The following MACROD1 variants were observed in gnomAD, a reference collection of about 807,000 sequenced individuals.
MACROD1 encodes the protein mono-ADP ribosylhydrolase 1.
Under a neutral mutation model 41.4 loss-of-function variants are expected in MACROD1, and 31 were observed. The observed-to-expected ratio is 0.75, with a 90% CI of 0.56 to 1.01. The LOEUF (loss-of-function observed/expected upper bound fraction) is 1.01, where lower values mean the gene tolerates loss of function less well. MACROD1 is among the 50% of genes least tolerant of loss of function. The probability of loss-of-function intolerance (pLI) is 0.00; values close to 1 mark genes in which losing one functional copy is unlikely to be tolerated. For synonymous variants in MACROD1, 252 were observed against 203.4 expected, an observed-to-expected ratio of 1.24 and a Z score of -2.03; for missense variants, 473 against 460.0, an observed-to-expected ratio of 1.03 and a Z score of -0.26.
At position 64,082,596 on chromosome 11, in the gene MACROD1, C is replaced by T. The variant is rs1364847065; in HGVS notation, c.518-67315G>A. Among the ~76,000 whole-genome samples, 1 of 152,050 alleles carries T rather than the reference C, an allele frequency of 6.6e-6. No homozygotes were observed. The highest frequency in any genetic ancestry group is 1.5e-5 in the Non-Finnish European group (1 of 67,972). On this transcript the variant is annotated intron_variant, in intron 3 of 10. Coordinates refer to ENST00000255681, the MANE Select transcript of MACROD1 (RefSeq NM_014067.4). This position sits in a 1 kb window ranked among gnomAD's most constrained non-coding sequence, Gnocchi z 4.5. ...AGATTCAGGTGAAGCTTAGGGGTCC[C>T]TGGGCTGAAGACGGAACCTCTGAGT...
intron 3 of MACROD1, among the ~76,000 whole-genome samples, chr11:64,097,512 G>A (rs1479293673): frequency 6.6e-6 from 1 of 152,270 alleles, no homozygotes; most frequent in African/African-American, 2.4e-5. Flanking sequence ...GGTGGGCGCT[G>A]GCAAAGGCCC....
At position 64,162,814 on chromosome 11, in the gene MACROD1, C is replaced by CA. The variant is rs1192462423; in HGVS notation, c.298+2882dup. Among the ~76,000 whole-genome samples, 264 of 112,210 alleles carry CA rather than the reference C, an allele frequency of 2.4e-3. 6 individuals are homozygous for CA. The East Asian group carries it at 0.04, about 17-fold the overall frequency. The allele number at this position is 112,210 out of a possible 152,430, so 73.6% of individuals were successfully genotyped here. On this transcript the variant is annotated intron_variant, in intron 1 of 10. Transcript: ENST00000255681. ...TGGGTGACAGAGCAAGACTCCATCT[C>CA]AAAAAAAAAAAATTTAAGAAAATTG...
intron 3 of MACROD1, among the ~76,000 whole-genome samples, chr11:64,030,057 C>T (rs992077871): frequency 1.6e-4 from 25 of 152,238 alleles, no homozygotes; most frequent in African/African-American, 5.5e-4. Context: ...ACAACCACCC[C>T]CCGGGTGACA....
intron 3 of MACROD1, among the ~76,000 whole-genome samples, chr11:64,033,702 G>T (rs1402190430): frequency 6.6e-6 from 1 of 151,962 alleles, no homozygotes; most frequent in Non-Finnish European, 1.5e-5. Context: ...TTAGCCAGGC[G>T]TAGTGGTGCA....
At chr11:64,162,371 T>C (rs560738229) in intron 1 of MACROD1, among the ~76,000 whole-genome samples, 2 of 151,940 alleles carry the variant, frequency 1.3e-5, no homozygotes, top group African/African-American at 4.8e-5. Flanking sequence ...CACATGGTGA[T>C]GCGCGCCTGT....
rs561710370 is a variant in MACROD1 at position 64,138,576 on chromosome 11, GC to G, written c.517+12662del. The stretch of plus-strand genomic sequence containing the variant: ...ACAGCCAGGCGGCAATAATAAAACA[GC>G]CGCGGGCCCTGCTGGCAGAGGAATG... On this transcript the variant is annotated intron_variant, in intron 3 of 10. Transcript: ENST00000255681. 1.9e-4 allele frequency: 192 copies of G among 985,160 alleles called. 1 individual carries two copies. In the African/African-American group the frequency reaches 3.0e-3, roughly 15 times the overall value. 61.0% of individuals were successfully genotyped at this position (985,160 alleles called of 1,614,324 possible).
At chr11:64,028,079 C>G (rs911067564) in intron 3 of MACROD1, among the ~76,000 whole-genome samples, 1 of 152,230 alleles carries the variant, frequency 6.6e-6, no homozygotes, top group Non-Finnish European at 1.5e-5. Flanking sequence ...CTGAGGCTGC[C>G]CAGGACTCTC....
chr11:64,080,683 A>G (rs1203483869), intron 3 of MACROD1, among the ~76,000 whole-genome samples: 2 of 152,120 alleles, frequency 1.3e-5, no homozygotes, highest in African/African-American at 4.8e-5. Flanking sequence ...GACCTCAACT[A>G]CTGAGGACCT....
intron 3 of MACROD1, among the ~76,000 whole-genome samples, chr11:64,093,177 A>T (rs1036634565): frequency 1.3e-5 from 2 of 152,192 alleles, no homozygotes; most frequent in African/African-American, 4.8e-5. Context: ...CAGTGAGGCG[A>T]CGTGTGAATA....
chr11:64,002,215 G>A (rs576923099), intron 4 of MACROD1, among the ~76,000 whole-genome samples: 18 of 152,304 alleles, frequency 1.2e-4, no homozygotes, highest in Non-Finnish European at 2.1e-4. Flanking sequence ...CTCCCGGGTC[G>A]AGCACCTGGC....
chr11:64,151,281 T>A lies in MACROD1; in HGVS notation c.475A>T (p.Ser159Cys). Residue 159 changes from serine (S) to cysteine (C), a missense_variant, in exon 3 of 11, where the codon AGC (serine) becomes TGC (cysteine). Ser to Cys is a moderately radical substitution (Grantham distance 112, BLOSUM62 -1). Transcript: ENST00000255681. The stretch of plus-strand genomic sequence containing the variant: ...TCCACCTCCAGCTTGGTGATGTCGC[T>A]GCGGAGCAGGGAGATTTTCTCATTG... Reference protein sequence around the residue: ...QLNEKISLLRSDITKLEVDAI... With the variant: ...QLNEKISLLRCDITKLEVDAI... 6.2e-7 allele frequency: 1 copy of A among 1,613,956 alleles called. No individual in the cohort carries two copies. Among genetic ancestry groups the A allele is most frequent in the Admixed American group, 1.7e-5 (1 of 60,030 alleles).
chr11:64,016,280 A>T (rs1191132338), intron 3 of MACROD1, among the ~76,000 whole-genome samples: 1 of 152,196 alleles, frequency 6.6e-6, no homozygotes, highest in Non-Finnish European at 1.5e-5. Flanking sequence ...TCCAGCCCCG[A>T]TCCGCAGCCT....
At chr11:64,149,050 C>A (rs1355982742) in intron 3 of MACROD1, 10 of 984,708 alleles carry the variant, frequency 1.0e-5, no homozygotes, top group African/African-American at 1.7e-5. Context: ...ACAAAAAGAT[C>A]CCAGGAGAAC....
At chr11:64,038,186 C>T (rs1943419057) in intron 3 of MACROD1, among the ~76,000 whole-genome samples, 1 of 152,184 alleles carries the variant, frequency 6.6e-6, no homozygotes, top group African/African-American at 2.4e-5. Context: ...GGGGTGCTGC[C>T]ATCCCACTGG....
chr11:64,137,200 G>T (rs766764030), intron 3 of MACROD1, among the ~76,000 whole-genome samples: 1 of 152,212 alleles, frequency 6.6e-6, no homozygotes, highest in Non-Finnish European at 1.5e-5. Flanking sequence ...GTGGGCCTGA[G>T]CAAGACAAGA....
intron 3 of MACROD1, among the ~76,000 whole-genome samples, chr11:64,034,837 C>G (rs1307714781): frequency 6.6e-6 from 1 of 152,194 alleles, no homozygotes; most frequent in Non-Finnish European, 1.5e-5. Context: ...GGACTCAGAG[C>G]AGCCACTGAC....
chr11:64,063,570 C>T (rs894879243), intron 3 of MACROD1, among the ~76,000 whole-genome samples: 4 of 152,194 alleles, frequency 2.6e-5, no homozygotes, highest in South Asian at 2.1e-4. Flanking sequence ...ACCTTCAATG[C>T]GGCCTCTTCC....
In MACROD1 at chr11:64,057,265, G is replaced by A. The variant is rs566329591; in HGVS notation, c.518-41984C>T. ...TAGGGGACGGGACAGCCCATTGGTG[G>A]TTCCTCCCTGCAGACTGAGAGCAGG... On this transcript the variant is annotated intron_variant, in intron 3 of 10. Coordinates refer to ENST00000255681, the MANE Select transcript of MACROD1 (RefSeq NM_014067.4). Among the ~76,000 whole-genome samples, 17 of 152,352 alleles carry A rather than the reference G, an allele frequency of 1.1e-4. No homozygotes were observed. The South Asian group carries it at 2.9e-3, about 26-fold the overall frequency.
chr11:64,041,633 C>T (rs995769098), intron 3 of MACROD1, among the ~76,000 whole-genome samples: 7 of 152,052 alleles, frequency 4.6e-5, no homozygotes, highest in African/African-American at 1.4e-4. Context: ...ATGACCGCCT[C>T]GGGAGCTGGT....
Sources: allele counts gnomAD v4.1 joint callset (sites outside exome capture counted in the v4.1 genomes callset), GRCh38; gene constraint gnomAD v4.1.1; non-coding constraint Gnocchi (gnomAD v3.1); transcripts MANE v1.5; gene names NCBI Gene and HGNC (gene_info 2026-07-23, HGNC 2026-07-21).